Variants in DLG3 observed in about 807,000 individuals in gnomAD.
DLG3 encodes disks large homolog 3.
Under a neutral mutation model 64.1 loss-of-function variants are expected in DLG3, and 1 was observed. That is an observed-to-expected ratio of 0.02 (90% CI 0.01 to 0.07). The LOEUF (loss-of-function observed/expected upper bound fraction) is 0.07. Among genes scored for constraint, DLG3 ranks in the 10% least tolerant of loss-of-function variants. The pLI is 1.00. For missense variants in DLG3, 429 were observed against 669.5 expected (o/e 0.64, Z 3.96); for synonymous variants, 245 against 259.8 (o/e 0.94, Z 0.55).
Position 70,449,828 on chromosome X carries a change from C to A in DLG3, c.672C>A (p.Ile224=). Residue 224 remains isoleucine, a synonymous_variant, in exon 4 of 19, where the codon ATC becomes ATA. Transcript: ENST00000374360. ...VRRRQPPPET[I]MEVNLLKGPK... ...GGCGACAGCCTCCACCCGAGACCAT[C>A]ATGGAGGTCAACCTGCTCAAAGGGC... 8.4e-7 allele frequency: 1 copy of A among 1,192,915 alleles called. No homozygotes were observed. Among genetic ancestry groups the A allele is most frequent in the Non-Finnish European group, 1.1e-6 (1 of 886,436 alleles).
At chrX:70,491,680 C>G (rs950501828) in intron 10 of DLG3, among the ~76,000 whole-genome samples, 1 of 111,979 alleles carries the variant, frequency 8.9e-6, no homozygotes, top group Non-Finnish European at 1.9e-5. Flanking sequence ...GGAGTGTTTA[C>G]CAGTCATTGT....
At chrX:70,477,507 G>A (rs896218971) in intron 9 of DLG3, among the ~76,000 whole-genome samples, 2 of 111,866 alleles carry the variant, frequency 1.8e-5, no homozygotes, top group African/African-American at 6.5e-5. Flanking sequence ...CTCTAGGACA[G>A]TCCAGGGCTT....
intron 9 of DLG3, chrX:70,455,677 C>T (rs1179318612): frequency 9.0e-6 from 1 of 111,293 alleles, no homozygotes; most frequent in African/African-American, 3.3e-5. Context: ...AACCTGTCCA[C>T]CTCTGAGAAC....
At chrX:70,483,167 CCAG>C (rs1202309650) in intron 10 of DLG3, among the ~76,000 whole-genome samples, 1 of 110,864 alleles carries the variant, frequency 9.0e-6, no homozygotes, top group East Asian at 2.9e-4. Flanking sequence ...GTCTGTAGTC[CCAG>C]CTACTCAGGG....
In DLG3 at chrX:70,479,416, G is replaced by C. The variant is rs183995728; in HGVS notation, c.1520+152G>C. Reference sequence around the variant, plus strand: ...TGTATGCTTAGGTTGTGTATTTTATGGTCAGTGTCTCCTCCCTTTTGTGAG... The same window carrying C: ...TGTATGCTTAGGTTGTGTATTTTATCGTCAGTGTCTCCTCCCTTTTGTGAG... On this transcript the variant is annotated intron_variant, in intron 10 of 18. Coordinates refer to ENST00000374360, the MANE Select transcript of DLG3 (RefSeq NM_021120.4). The C allele has an allele frequency of 2.4e-5, 12 of 499,468 alleles. No homozygotes were observed. The East Asian group carries it at 3.9e-4, about 16-fold the overall frequency. The allele number at this position is 499,468 out of a possible 1,213,427, so 41.2% of individuals were successfully genotyped here.
At chrX:70,497,243 C>T in intron 13 of DLG3, 1 of 1,199,806 alleles carries the variant, frequency 8.3e-7, no homozygotes, top group Non-Finnish European at 1.1e-6. Context: ...TCATTCCTTC[C>T]ATGTCGTGTA....
intron 9 of DLG3, among the ~76,000 whole-genome samples, chrX:70,454,559 G>A (rs747814557): frequency 5.4e-5 from 6 of 111,865 alleles, no homozygotes; most frequent in Non-Finnish European, 1.1e-4. Context: ...CCAGTAGTGG[G>A]CAGCAGCCTA....
intron 9 of DLG3, among the ~76,000 whole-genome samples, chrX:70,475,972 C>A (rs749456664): frequency 8.9e-6 from 1 of 112,094 alleles, no homozygotes; most frequent in African/African-American, 3.2e-5. Flanking sequence ...CAGCTCCAAA[C>A]TTTATCAGAA....
rs778675574 is a variant in DLG3 at position 70,492,289 on chromosome X, T to C, written c.1697+6T>C. The C allele has an allele frequency of 2.6e-5, 32 of 1,208,421 alleles. No individual in the cohort carries two copies. The highest frequency in any genetic ancestry group is 3.6e-5 in the Non-Finnish European group (32 of 894,494). On this transcript the variant is annotated splice_donor_region_variant and intron_variant, in intron 11 of 18. Coordinates refer to ENST00000374360, the MANE Select transcript of DLG3 (RefSeq NM_021120.4). ...GTGATCCCCAGTAAGAAGAGGTGAG[T>C]CGTCATGATCATGAGCAAGGCCTTT...
chrX:70,488,345 G>A (rs2087295587), intron 10 of DLG3, among the ~76,000 whole-genome samples: 1 of 111,888 alleles, frequency 8.9e-6, no homozygotes, highest in Non-Finnish European at 1.9e-5. Context: ...ACATGTGACT[G>A]TGACTTAGGC....
chrX:70,499,778 C>T (rs184221633), intron 15 of DLG3, 99 bp from the exon 16 acceptor site: 1 of 912,274 alleles, frequency 1.1e-6, no homozygotes, highest in African/African-American at 2.0e-5. Context: ...AATGGAGTGG[C>T]CCAGTGACCC....
At chrX:70,494,193 A>G (rs185904395) in intron 12 of DLG3, among the ~76,000 whole-genome samples, 82 of 112,738 alleles carry the variant, frequency 7.3e-4, no homozygotes, top group Non-Finnish European at 1.4e-3. Context: ...GCTAAATTCA[A>G]CGGAAGAAGA....
At chrX:70,445,748 C>A (rs2086559882) in intron 1 of DLG3, among the ~76,000 whole-genome samples, 190 bp downstream of exon 1, 1 of 106,157 alleles carries the variant, frequency 9.4e-6, no homozygotes, top group African/African-American at 3.5e-5. Context: ...TTGGGGGTCT[C>A]CATTAGAAGA....
Position 70,500,757 on chromosome X carries a change from G to A in DLG3, c.2256-141G>A, listed in dbSNP as rs184080414. On this transcript the variant is annotated intron_variant, in intron 17 of 18. Transcript: ENST00000374360. ...TATGTTCATGGTTGGACTTTTGAAC[G>A]CAGGTTTGAGGAGTTAGCTACGGGC... is the stretch of plus-strand genomic sequence containing the variant. 41 of 702,092 alleles carry A rather than the reference G, an allele frequency of 5.8e-5. No individual in the cohort carries two copies. The East Asian group carries it at 1.3e-3, about 22-fold the overall frequency. The allele number at this position is 702,092 out of a possible 1,213,427, so 57.9% of individuals were successfully genotyped here.
At chrX:70,474,203 A>C (rs1211093906) in intron 9 of DLG3, among the ~76,000 whole-genome samples, 2 of 112,010 alleles carry the variant, frequency 1.8e-5, no homozygotes, top group Non-Finnish European at 3.8e-5. Flanking sequence ...CGTTATAGAT[A>C]CTTGGACAGG....
chrX:70,466,247 TTGTGTGTGTGTGTGTGTGTGTGTGTGTG>T (rs61083333), intron 9 of DLG3, among the ~76,000 whole-genome samples: 4 of 84,445 alleles, frequency 4.7e-5, no homozygotes, highest in Admixed American at 2.7e-4. Flanking sequence ...TCTTGGTCAT[TTGTGTGTGTGTGTGTGTGTGTGTGTGTG>T]TGTGTGTGTG....
intron 9 of DLG3, among the ~76,000 whole-genome samples, chrX:70,464,190 TTTTCC>T (rs10562768): frequency 0.015 from 1,487 of 97,215 alleles, 26 homozygotes; most frequent in Middle Eastern, 0.053. Flanking sequence ...CCTTTTTTCT[TTTTCC>T]TTTCCTTTCC....
rs7056659 is a variant in DLG3 at position 70,475,653 on chromosome X, G to A, written c.1406-3497G>A. On this transcript the variant is annotated intron_variant, in intron 9 of 18. Coordinates refer to ENST00000374360, the MANE Select transcript of DLG3 (RefSeq NM_021120.4). Reference sequence around the variant, plus strand: ...GTATCAGAAAATGAAAAAAGCTTGCGTGTGAATTGTGAGTACATGTATATA... The same window carrying A: ...GTATCAGAAAATGAAAAAAGCTTGCATGTGAATTGTGAGTACATGTATATA... Among the ~76,000 whole-genome samples the A allele has an allele frequency of 7.6e-3, 848 of 112,207 alleles. 10 individuals carry two copies. The highest frequency in any genetic ancestry group is 0.027 in the African/African-American group (823 of 30,844).
chrX:70,494,841 C>T (rs2147878187), intron 12 of DLG3, among the ~76,000 whole-genome samples: 1 of 112,861 alleles, frequency 8.9e-6, no homozygotes, highest in African/African-American at 3.2e-5. Flanking sequence ...CCACACTCTA[C>T]ACCATGCGAA....
Sources: allele counts gnomAD v4.1 joint callset (sites outside exome capture counted in the v4.1 genomes callset), GRCh38; gene constraint gnomAD v4.1.1; transcripts MANE v1.5; gene names NCBI Gene and HGNC (gene_info 2026-07-23, HGNC 2026-07-21).